Variants in RPL23 observed in about 807,000 individuals in gnomAD.
RPL23 encodes the protein ribosomal protein L23, also known as large ribosomal subunit protein uL14.
For missense variants in RPL23, 79 were observed against 178.8 expected (o/e 0.44, Z 3.18); for synonymous variants, 63 against 65.3 (o/e 0.97, Z 0.17).
chr17:38,850,252 T>C (rs766305902), intron 4 of RPL23, 38 bp from the exon 5 acceptor site: 6 of 1,547,380 alleles, frequency 3.9e-6, no homozygotes, highest in East Asian at 4.5e-5. Context: ...AATAAAAACA[T>C]GTGGGGGACA....
At position 38,847,939 on chromosome 17, in the gene RPL23, TCA is replaced by T. The variant is rs903283349; in HGVS notation, c.*2191_*2192del. 1.3e-6 allele frequency: 2 copies of T among 1,542,138 alleles called. No homozygotes were observed. The highest frequency in any genetic ancestry group is 1.7e-6 in the Non-Finnish European group (2 of 1,144,066). On this transcript the variant is annotated 3_prime_UTR_variant, in exon 5 of 5. Transcript: ENST00000479035. ...AAAATGTGAGGTGGGATGCAGTGGC[TCA>T]CACTTGTAATTGCAGCCCTTTGAAG...
At chr17:38,853,585 C>G in intron 1 of RPL23, 113 bp downstream of exon 1, 1 of 1,350,022 alleles carries the variant, frequency 7.4e-7, no homozygotes, top group East Asian at 2.3e-5. Context: ...GGCTCTCTCT[C>G]TCCGGCCTGA....
rs762165920 is a variant in RPL23, at chr17:38,852,995, G to C, written c.97+27C>G. 5.6e-6 allele frequency: 9 copies of C among 1,600,206 alleles called. No individual in the cohort carries two copies. The East Asian group carries it at 2.0e-4, about 36-fold the overall frequency. On this transcript the variant is annotated intron_variant, in intron 2 of 4. Coordinates refer to ENST00000479035, the MANE Select transcript of RPL23 (RefSeq NM_000978.4). ...GCCCATTGAGTGCTTTTAAAAGGGG[G>C]AGTATAGCAACGTGCAAAGACCTCA...
At position 38,853,471 on chromosome 17, in the gene RPL23, T is replaced by C. The variant is rs1043571115; in HGVS notation, c.13+227A>G. The stretch of plus-strand genomic sequence containing the variant: ...TACGATAGCCCTATTCGCGGAGCGA[T>C]CTCGCGGTATCCAGACTACATTCAC... On this transcript the variant is annotated intron_variant, in intron 1 of 4. Transcript: ENST00000479035. The C allele has an allele frequency of 9.7e-6, 7 of 720,768 alleles. No individual in the cohort carries two copies. The African/African-American group carries it at 1.0e-4, about 11-fold the overall frequency. The allele number at this position is 720,768 out of a possible 1,614,324, so 44.6% of individuals were successfully genotyped here. A position where few individuals can be genotyped will look rare whatever the true frequency, so the allele number is the denominator to read the frequency against.
Position 38,848,100 on chromosome 17 carries a change from G to A in RPL23, c.*2032C>T. On this transcript the variant is annotated 3_prime_UTR_variant, in exon 5 of 5. Coordinates refer to ENST00000479035, the MANE Select transcript of RPL23 (RefSeq NM_000978.4). ...ACATTCAAAAACAGCAGCGATTAGT[G>A]GTTAATATATAAGGATCATATATTG... The A allele has an allele frequency of 6.6e-7, 1 of 1,514,306 alleles. No homozygotes were observed. Among genetic ancestry groups the A allele is most frequent in the Non-Finnish European group, 8.8e-7 (1 of 1,132,540 alleles). 93.8% of individuals were successfully genotyped at this position (1,514,306 alleles called of 1,614,324 possible).
rs371296702 is a variant in RPL23 at position 38,850,189 on chromosome 17, T to C, written c.366A>G (p.Ala122=). ...GGGGCCACAAGTCTGCACACTCCTT[T>C]GCTACTGGTCCTGTAATGGCAGAAC... The part of the protein sequence containing the change: ...MKGSAITGPV[A]KECADLWPRI... The change falls in exon 5 of 5, where the codon GCA becomes GCG. Residue 122 remains alanine (A), a synonymous_variant. Transcript: ENST00000479035. The C allele has an allele frequency of 5.5e-5, 89 of 1,606,604 alleles. 1 individual carries two copies. The African/African-American group carries it at 1.1e-3, about 20-fold the overall frequency.
Position 38,850,485 on chromosome 17 carries a change from G to A in RPL23, c.227-10C>T, listed in dbSNP as rs1420774874. On this transcript the variant is annotated splice_polypyrimidine_tract_variant and intron_variant, in intron 3 of 4. Coordinates refer to ENST00000479035, the MANE Select transcript of RPL23 (RefSeq NM_000978.4). ...ACCACTGCTGGATGTACTGAGAGAA[G>A]AAAAAAGGACAGCAGTCATTAACCT... The A allele has an allele frequency of 3.8e-6, 6 of 1,590,044 alleles. No homozygotes were observed. The Admixed American group carries it at 5.1e-5, about 14-fold the overall frequency.
Position 38,850,069 on chromosome 17 carries a change from GCAAA to G in RPL23, c.*59_*62del. On this transcript the variant is annotated 3_prime_UTR_variant, in exon 5 of 5. Transcript: ENST00000479035. ...GGAAGTGAACAGGGAGACAAGCACT[GCAAA>G]CAAATACTTTTTAATGGGTTTAGTT... 1 of 1,292,676 alleles carries G rather than the reference GCAAA, an allele frequency of 7.7e-7. No homozygotes were observed. The highest frequency in any genetic ancestry group is 1.3e-5 in the South Asian group (1 of 74,376). The allele number at this position is 1,292,676 out of a possible 1,614,324, so 80.1% of individuals were successfully genotyped here.
intron 2 of RPL23, 77 bp downstream of exon 2, chr17:38,852,945 C>G: frequency 6.9e-7 from 1 of 1,440,192 alleles, no homozygotes. Context: ...CCTTTCTTGA[C>G]GGCTCAATAG....
chr17:38,847,919 G>A lies in RPL23; in HGVS notation c.*2213C>T. On this transcript the variant is annotated 3_prime_UTR_variant, in exon 5 of 5. Coordinates refer to ENST00000479035, the MANE Select transcript of RPL23 (RefSeq NM_000978.4). ...AAAAAAAATCTCCAAAGAATAAAAT[G>A]TGAGGTGGGATGCAGTGGCTCACAC... 1 of 1,515,354 alleles carries A rather than the reference G, an allele frequency of 6.6e-7. No individual in the cohort carries two copies. The highest frequency in any genetic ancestry group is 8.8e-7 in the Non-Finnish European group (1 of 1,133,968). The allele number at this position is 1,515,354 out of a possible 1,614,324, so 93.9% of individuals were successfully genotyped here.
Position 38,849,147 on chromosome 17 carries a change from C to T in RPL23, c.*985G>A, listed in dbSNP as rs1214623301. The stretch of plus-strand genomic sequence containing the variant: ...GTCAAAACATTTTCATAGCAAAATA[C>T]CTGTAGGTACCATCAACTTAATCAT... On this transcript the variant is annotated 3_prime_UTR_variant, in exon 5 of 5. Transcript: ENST00000479035. 6.6e-6 allele frequency: 1 copy of T among 152,150 alleles called. No individual in the cohort carries two copies. The highest frequency in any genetic ancestry group is 1.5e-5 in the Non-Finnish European group (1 of 68,020). 9.4% of individuals were successfully genotyped at this position (152,150 alleles called of 1,614,324 possible). A position where few individuals can be genotyped will look rare whatever the true frequency, so the allele number is the denominator to read the frequency against.
At chr17:38,853,172 C>G in intron 1 of RPL23, 67 bp from the exon 2 acceptor site, 1 of 1,222,102 alleles carries the variant, frequency 8.2e-7, no homozygotes, top group Non-Finnish European at 1.2e-6. Context: ...CGGAGTTCCC[C>G]CTCATACTCA....
chr17:38,848,151 T>C lies in RPL23; in HGVS notation c.*1981A>G, dbSNP rs1912909310. On this transcript the variant is annotated 3_prime_UTR_variant, in exon 5 of 5. Transcript: ENST00000479035. ...CCATAATATATAAAGACATAAATGGTGGGCCTAGGGGCTTGTCACACTAAA... is the reference window on the plus strand; with the variant it reads ...CCATAATATATAAAGACATAAATGGCGGGCCTAGGGGCTTGTCACACTAAA... 1 of 1,352,732 alleles carries C rather than the reference T, an allele frequency of 7.4e-7. No homozygotes were observed. Among genetic ancestry groups the C allele is most frequent in the South Asian group, 1.7e-5 (1 of 57,626 alleles). 83.8% of individuals were successfully genotyped at this position (1,352,732 alleles called of 1,614,324 possible).
chr17:38,850,317 A>G, intron 4 of RPL23, 45 bp downstream of exon 4: 2 of 1,579,426 alleles, frequency 1.3e-6, no homozygotes, highest in Non-Finnish European at 1.7e-6. Context: ...TAGACAATCC[A>G]CCCAACCTCA....
chr17:38,853,281 G>T (rs796774396), intron 1 of RPL23, 176 bp from the exon 2 acceptor site: 1 of 655,530 alleles, frequency 1.5e-6, no homozygotes, highest in East Asian at 2.7e-5. Context: ...CGATTCTCAC[G>T]GAAAGTAGCC....
chr17:38,850,508 C>T (rs1271867930), intron 3 of RPL23, 33 bp from the exon 4 acceptor site: 7 of 1,492,760 alleles, frequency 4.7e-6, no homozygotes, highest in Non-Finnish European at 6.5e-6. Flanking sequence ...CAGTCATTAA[C>T]CTGTCAAGTC....
At chr17:38,852,937 T>TA in intron 2 of RPL23, 85 bp downstream of exon 2, 1 of 1,432,938 alleles carries the variant, frequency 7.0e-7, no homozygotes, top group South Asian at 1.1e-5. Context: ...CACTCTCCCC[T>TA]TTCTTGACGG....
At chr17:38,851,879 G>C (rs1377970921) in intron 3 of RPL23, 1 of 152,230 alleles carries the variant, frequency 6.6e-6, no homozygotes, top group Non-Finnish European at 1.5e-5. Context: ...AGAAGAGCAA[G>C]ACATCCCAGG....
At chr17:38,853,438 A>AACCC (rs1913063906) in intron 1 of RPL23, 3 of 716,964 alleles carry the variant, frequency 4.2e-6, no homozygotes. Context: ...GTCTAACTTC[A>AACCC]ACCCCATTAC....
Sources: gnomAD v4.1 joint callset for allele counts on GRCh38, gnomAD v4.1.1 for gene constraint, MANE v1.5 for transcripts, NCBI Gene and HGNC (gene_info 2026-07-23, HGNC 2026-07-21) for gene names.